Variants in HTR1F observed in about 807,000 individuals in gnomAD.
HTR1F encodes the protein 5-hydroxytryptamine (serotonin) receptor 1F, G protein-coupled.
Under a neutral mutation model 24.0 loss-of-function variants are expected in HTR1F, and 17 were observed. That is an observed-to-expected ratio of 0.71 (90% CI 0.48 to 1.06). The LOEUF is 1.06. Among genes scored for constraint, HTR1F ranks in the 50% least tolerant of loss-of-function variants. The pLI is 0.00. For missense variants in HTR1F, 391 were observed against 427.8 expected, an observed-to-expected ratio of 0.91 and a Z score of 0.76; for synonymous variants, 186 against 156.8, an observed-to-expected ratio of 1.19 and a Z score of -1.39.
chr3:87,993,768 T>G lies in HTR1F; in HGVS notation c.*1918T>G, dbSNP rs1253934053. 6.0e-6 allele frequency: 1 copy of G among 167,058 alleles called. No individual in the cohort carries two copies. Among genetic ancestry groups the G allele is most frequent in the Non-Finnish European group, 1.5e-5 (1 of 68,112 alleles). 10.3% of individuals were successfully genotyped at this position (167,058 alleles called of 1,614,324 possible). On this transcript the variant is annotated 3_prime_UTR_variant, in exon 3 of 3. Transcript: ENST00000319595. ...AAAAGTCTACAGTCAATTTTATTGC[T>G]GACGATGGGTAATCACTGATACTTT...
chr3:87,925,287 G>T (rs187612534), intron 2 of HTR1F, among the ~76,000 whole-genome samples: 1 of 152,126 alleles, frequency 6.6e-6, no homozygotes, highest in Non-Finnish European at 1.5e-5. Context: ...TTGGACTCTA[G>T]GGGGCACATA....
chr3:87,796,558 G>T (rs1346700046), intron 1 of HTR1F, among the ~76,000 whole-genome samples: 2 of 152,168 alleles, frequency 1.3e-5, no homozygotes, highest in Non-Finnish European at 2.9e-5. Context: ...CCAAAATATG[G>T]ATATTGAAGA....
chr3:87,972,273 T>C (rs926317402), intron 2 of HTR1F, among the ~76,000 whole-genome samples: 2 of 152,244 alleles, frequency 1.3e-5, no homozygotes, highest in Non-Finnish European at 2.9e-5. Flanking sequence ...TATCAAAGTA[T>C]GTTTGTGTTT....
At chr3:87,972,112 C>T (rs1453209225) in intron 2 of HTR1F, among the ~76,000 whole-genome samples, 1 of 152,096 alleles carries the variant, frequency 6.6e-6, no homozygotes, top group Non-Finnish European at 1.5e-5. Context: ...TAGCAGGAAC[C>T]AAATTTTGTT....
At chr3:87,857,970 TG>T (rs1350682623) in intron 2 of HTR1F, among the ~76,000 whole-genome samples, 2 of 152,182 alleles carry the variant, frequency 1.3e-5, no homozygotes, top group Admixed American at 1.3e-4. Flanking sequence ...ATTCTTACAC[TG>T]TAAAGTTAAA....
chr3:87,838,990 G>A (rs1418022605), intron 2 of HTR1F, among the ~76,000 whole-genome samples: 1 of 149,264 alleles, frequency 6.7e-6, no homozygotes, highest in Non-Finnish European at 1.5e-5. Flanking sequence ...TCTATTGATT[G>A]TTCTTTTTAT....
chr3:87,889,673 ATTT>A (rs751000963), intron 2 of HTR1F, among the ~76,000 whole-genome samples: 1 of 151,530 alleles, frequency 6.6e-6, no homozygotes, highest in South Asian at 2.1e-4. Context: ...ATAAAATTTG[ATTT>A]TTTTTTGTTT....
chr3:87,867,373 CTCATA>C (rs1373570380), intron 2 of HTR1F, among the ~76,000 whole-genome samples: 2 of 151,790 alleles, frequency 1.3e-5, no homozygotes, highest in Non-Finnish European at 2.9e-5. Flanking sequence ...CTCTCTCTCT[CTCATA>C]TATTTTCTCT....
intron 2 of HTR1F, among the ~76,000 whole-genome samples, chr3:87,934,396 G>A (rs1018347765): frequency 6.6e-6 from 1 of 152,138 alleles, no homozygotes; most frequent in African/African-American, 2.4e-5. Context: ...TCTCCATGGA[G>A]GACTGCCCTT....
At chr3:87,817,934 T>C (rs1393503956) in intron 1 of HTR1F, among the ~76,000 whole-genome samples, 1 of 152,164 alleles carries the variant, frequency 6.6e-6, no homozygotes, top group Non-Finnish European at 1.5e-5. Flanking sequence ...TCATCAAAGA[T>C]GGAATTGACA....
chr3:87,885,373 G>T lies in HTR1F; in HGVS notation c.-43+63249G>T, dbSNP rs180999488. Among the ~76,000 whole-genome samples, 205 of 152,220 alleles carry T rather than the reference G, an allele frequency of 1.3e-3. 2 individuals are homozygous for T. Among genetic ancestry groups the T allele is most frequent in the African/African-American group, 4.7e-3 (196 of 41,530 alleles). ...TAGAGGGAAATTTATAGCACTAAAT[G>T]CCCACAAGAGAAAGCAGGAAAGATC... On this transcript the variant is annotated intron_variant, in intron 2 of 2. Transcript: ENST00000319595.
chr3:87,851,141 G>A (rs1382364778), intron 2 of HTR1F, among the ~76,000 whole-genome samples: 5 of 151,258 alleles, frequency 3.3e-5, no homozygotes, highest in Admixed American at 2.6e-4. Context: ...TTTTCTTCTG[G>A]GTGCTACAAA....
chr3:87,968,504 A>ACC (rs1269494250), intron 2 of HTR1F, among the ~76,000 whole-genome samples: 4 of 152,006 alleles, frequency 2.6e-5, no homozygotes, highest in African/African-American at 9.7e-5. Flanking sequence ...GAACCACCGC[A>ACC]CCTGGCCAGG....
Position 87,926,251 on chromosome 3 carries a change from A to C in HTR1F, c.-42-64457A>C, listed in dbSNP as rs577306959. Among the ~76,000 whole-genome samples the C allele has an allele frequency of 7.2e-5, 11 of 152,334 alleles. No homozygotes were observed. In the South Asian group the frequency reaches 2.3e-3, roughly 32 times the overall value. On this transcript the variant is annotated intron_variant, in intron 2 of 2. Coordinates refer to ENST00000319595, the MANE Select transcript of HTR1F (RefSeq NM_001322209.2). ...AAAAAACACTCACTGCAGTTCATTCAGTGTTGACTCTCAAGTTTAATAGGG... is the reference window on the plus strand; with the variant it reads ...AAAAAACACTCACTGCAGTTCATTCCGTGTTGACTCTCAAGTTTAATAGGG...
intron 2 of HTR1F, among the ~76,000 whole-genome samples, chr3:87,957,476 T>G (rs9850490): frequency 0.27 from 40,030 of 151,036 alleles, 5,741 homozygotes; most frequent in African/African-American, 0.37. Flanking sequence ...CAGAAAATCA[T>G]ATGAAAATGT....
At chr3:87,905,154 T>A (rs1703633857) in intron 2 of HTR1F, among the ~76,000 whole-genome samples, 1 of 151,038 alleles carries the variant, frequency 6.6e-6, no homozygotes, top group South Asian at 2.1e-4. Context: ...AAAAAAAAAA[T>A]TAAAAGTTAG....
chr3:87,888,415 T>G (rs1049537566), intron 2 of HTR1F, among the ~76,000 whole-genome samples: 1 of 152,022 alleles, frequency 6.6e-6, no homozygotes, highest in Non-Finnish European at 1.5e-5. Context: ...CATGTATACC[T>G]AAATACCAAA....
intron 2 of HTR1F, among the ~76,000 whole-genome samples, chr3:87,879,469 C>T (rs903580570): frequency 2.6e-5 from 4 of 152,122 alleles, no homozygotes; most frequent in Non-Finnish European, 4.4e-5. Context: ...CATTGCAATG[C>T]CAACCTGGCA....
chr3:87,895,729 T>C (rs1402583751), intron 2 of HTR1F, among the ~76,000 whole-genome samples: 1 of 152,226 alleles, frequency 6.6e-6, no homozygotes, highest in Non-Finnish European at 1.5e-5. Context: ...GTCATACTTG[T>C]AGATAAAAAA....
Sources: allele counts gnomAD v4.1 joint callset (sites outside exome capture counted in the v4.1 genomes callset), GRCh38; gene constraint gnomAD v4.1.1; transcripts MANE v1.5; gene names NCBI Gene and HGNC (gene_info 2026-07-23, HGNC 2026-07-21).